Variants in MCM9 observed in about 807,000 individuals in gnomAD.
MCM9 encodes minichromosome maintenance 9 homologous recombination repair factor.
MCM9 carries 55 observed loss-of-function variants against 72.8 expected under a neutral mutation model. The observed-to-expected ratio is 0.76, with a 90% confidence interval of 0.61 to 0.95. The LOEUF (loss-of-function observed/expected upper bound fraction) is 0.95, where lower values mean the gene tolerates loss of function less well. Among genes scored for constraint, MCM9 ranks in the 40% least tolerant of loss-of-function variants. MCM9 has a pLI of 0.00. For synonymous variants in MCM9, 480 were observed against 503.4 expected (o/e 0.95, Z 0.62); for missense variants, 1,279 against 1,377.0 (o/e 0.93, Z 1.13).
At chr6:118,908,928 G>C (rs1338372317) in intron 8 of MCM9, 1 of 152,546 alleles carries the variant, frequency 6.6e-6, no homozygotes, top group Non-Finnish European at 1.5e-5. Flanking sequence ...TGGATTCTGA[G>C]TTGTATATAT....
intron 9 of MCM9, among the ~76,000 whole-genome samples, chr6:118,831,297 A>G (rs571425178): frequency 6.9e-6 from 1 of 144,646 alleles, no homozygotes; most frequent in East Asian, 2.2e-4. Flanking sequence ...GGCTGCAGTG[A>G]GCCGAGCTTG....
At chr6:118,915,880 A>T (rs892960818) in intron 6 of MCM9, among the ~76,000 whole-genome samples, 1 of 152,242 alleles carries the variant, frequency 6.6e-6, no homozygotes, top group Non-Finnish European at 1.5e-5. Flanking sequence ...TAGCCTAATT[A>T]AAACAAGACA....
chr6:118,895,937 T>C (rs942398281), intron 8 of MCM9, among the ~76,000 whole-genome samples: 5 of 152,082 alleles, frequency 3.3e-5, no homozygotes, highest in South Asian at 2.1e-4. Flanking sequence ...TAATAAACTT[T>C]TAGAAAGTTG....
At chr6:118,842,575 A>G (rs957799024) in intron 9 of MCM9, among the ~76,000 whole-genome samples, 1 of 152,230 alleles carries the variant, frequency 6.6e-6, no homozygotes, top group Non-Finnish European at 1.5e-5. Flanking sequence ...GCTGGAGTGC[A>G]GTGGTCCAAT....
chr6:118,913,675 T>C (rs1583647518), intron 6 of MCM9, among the ~76,000 whole-genome samples: 2 of 152,156 alleles, frequency 1.3e-5, no homozygotes, highest in South Asian at 2.1e-4. Context: ...TCATAGCTCA[T>C]TGCAGCCTCA....
intron 6 of MCM9, among the ~76,000 whole-genome samples, chr6:118,914,726 T>C (rs1780805341): frequency 6.6e-6 from 1 of 151,954 alleles, no homozygotes; most frequent in Non-Finnish European, 1.5e-5. Flanking sequence ...GGTTCAAGAG[T>C]AGGCAAATTG....
In MCM9 at chr6:118,907,422, A is replaced by G. The variant is rs574498975; in HGVS notation, c.1150+4228T>C. The stretch of plus-strand genomic sequence containing the variant: ...TCTAGCTTCAAAGGAATATTTTGGC[A>G]TCTAATCCCAGGGTCACAAGATTCC... On this transcript the variant is annotated intron_variant, in intron 8 of 13. Transcript: ENST00000619706. 4.9e-5 allele frequency: 79 copies of G among 1,604,204 alleles called. 1 individual carries two copies. The Admixed American group carries it at 1.0e-3, about 21-fold the overall frequency.
intron 8 of MCM9, among the ~76,000 whole-genome samples, chr6:118,872,413 A>C (rs1164887708): frequency 1.3e-5 from 2 of 152,204 alleles, no homozygotes; most frequent in Non-Finnish European, 2.9e-5. Flanking sequence ...CATGGTTCAA[A>C]GAAGAAATTT....
chr6:118,831,963 C>G (rs533870210), intron 9 of MCM9, among the ~76,000 whole-genome samples: 25 of 152,282 alleles, frequency 1.6e-4, no homozygotes, highest in African/African-American at 5.5e-4. Context: ...AGGAGCAGAG[C>G]TGAGATTCAA....
chr6:118,910,682 G>A (rs1780480380), intron 8 of MCM9: 1 of 985,082 alleles, frequency 1.0e-6, no homozygotes, highest in African/African-American at 1.7e-5. Flanking sequence ...AAAACGCATG[G>A]GAAATATTCT....
At chr6:118,893,948 G>A in intron 8 of MCM9, 1 of 927,934 alleles carries the variant, frequency 1.1e-6, no homozygotes, top group Non-Finnish European at 1.3e-6. Flanking sequence ...CCTCCCCGCC[G>A]CGGCCACGCC....
At position 118,917,958 on chromosome 6, in the gene MCM9, G is replaced by A; in HGVS notation, c.704-197C>T. The A allele has an allele frequency of 7.0e-6, 4 of 569,002 alleles. No homozygotes were observed. In the South Asian group the frequency reaches 9.3e-5, roughly 13 times the overall value. 35.2% of individuals were successfully genotyped at this position (569,002 alleles called of 1,614,324 possible). On this transcript the variant is annotated intron_variant, in intron 5 of 13. Coordinates refer to ENST00000619706, the MANE Select transcript of MCM9 (RefSeq NM_017696.3). ...TGTTGTCCCCCACAGTCATGTATCTGTAAAGTGAAAAGCTGAAGTCAGTAT... is the reference window on the plus strand; with the variant it reads ...TGTTGTCCCCCACAGTCATGTATCTATAAAGTGAAAAGCTGAAGTCAGTAT...
At chr6:118,932,503 GC>G (rs1782521665) in intron 2 of MCM9, 103 bp downstream of exon 2, 1 of 661,334 alleles carries the variant, frequency 1.5e-6, no homozygotes, top group Non-Finnish European at 1.9e-6. Context: ...CCTGGTTCTA[GC>G]TTTTGTTTAT....
Position 118,840,737 on chromosome 6 carries a change from C to A in MCM9, c.1326-11487G>T, listed in dbSNP as rs750570920. On this transcript the variant is annotated intron_variant, in intron 9 of 13. Transcript: ENST00000619706. ...TAGGTACATATATTCTCTCCTCCCCCCCCCCTTTTTTTTTTTTTGAGACAG... is the reference window on the plus strand; with the variant it reads ...TAGGTACATATATTCTCTCCTCCCCACCCCCTTTTTTTTTTTTTGAGACAG... Among the ~76,000 whole-genome samples the A allele has an allele frequency of 1.9e-4, 20 of 104,272 alleles. 1 individual carries two copies. The highest frequency in any genetic ancestry group is 9.8e-3 in the Middle Eastern group (2 of 204). The allele number at this position is 104,272 out of a possible 152,430, so 68.4% of individuals were successfully genotyped here.
At chr6:118,900,094 G>A (rs1231479461) in intron 8 of MCM9, among the ~76,000 whole-genome samples, 1 of 152,162 alleles carries the variant, frequency 6.6e-6, no homozygotes, top group African/African-American at 2.4e-5. Flanking sequence ...TATCTCCACT[G>A]TGTATACTCT....
chr6:118,885,199 C>T (rs542230427), intron 8 of MCM9, among the ~76,000 whole-genome samples: 2 of 151,876 alleles, frequency 1.3e-5, no homozygotes, highest in East Asian at 3.9e-4. Context: ...GCCTGGGAGA[C>T]AGAGTGAGAC....
intron 8 of MCM9, among the ~76,000 whole-genome samples, chr6:118,860,742 G>A (rs1034448267): frequency 3.3e-5 from 5 of 152,224 alleles, no homozygotes; most frequent in African/African-American, 1.2e-4. Context: ...CTATAGAGCA[G>A]TGGTCCCCAG....
At position 118,923,673 on chromosome 6, in the gene MCM9, C is replaced by G. The variant is rs572660666; in HGVS notation, c.621+138G>C. On this transcript the variant is annotated intron_variant, in intron 4 of 13. Transcript: ENST00000619706. ...AGACTATATTCAGATATATGTGGAA[C>G]AGTTTCGAGCTTGATCTTCCACAAA... 9.9e-5 allele frequency: 71 copies of G among 715,228 alleles called. 1 individual carries two copies. The South Asian group carries it at 1.3e-3, about 13-fold the overall frequency. The allele number at this position is 715,228 out of a possible 1,614,324, so 44.3% of individuals were successfully genotyped here.
chr6:118,898,992 T>C lies in MCM9; in HGVS notation c.1150+12658A>G, dbSNP rs565193640. Among the ~76,000 whole-genome samples the C allele has an allele frequency of 5.9e-5, 9 of 152,244 alleles. No individual in the cohort carries two copies. The East Asian group carries it at 1.7e-3, about 29-fold the overall frequency. Reference sequence around the variant, plus strand: ...TGCTTAGAAGCAGACATCTCAAATATGTCTAAAATGAACTCCTGATTGCTC... The same window carrying C: ...TGCTTAGAAGCAGACATCTCAAATACGTCTAAAATGAACTCCTGATTGCTC... On this transcript the variant is annotated intron_variant, in intron 8 of 13. Transcript: ENST00000619706.
Sources: gnomAD v4.1 joint callset for allele counts (sites outside exome capture counted in the v4.1 genomes callset) on GRCh38, gnomAD v4.1.1 for gene constraint, MANE v1.5 for transcripts, NCBI Gene and HGNC (gene_info 2026-07-23, HGNC 2026-07-21) for gene names.